The following STK32A variants were observed in gnomAD, a reference collection of about 807,000 sequenced individuals.
STK32A encodes serine/threonine kinase 32A.
STK32A carries 41 observed loss-of-function variants against 53.2 expected under a neutral mutation model. That is an observed-to-expected ratio of 0.77 (90% confidence interval 0.60 to 1.00). The LOEUF (loss-of-function observed/expected upper bound fraction) is 1.00, where lower values mean the gene tolerates loss of function less well. Among genes scored for constraint, STK32A ranks in the 50% least tolerant of loss-of-function variants. The probability of loss-of-function intolerance (pLI) is 0.00; values close to 1 mark genes in which losing one functional copy is unlikely to be tolerated. For synonymous variants in STK32A, 166 were observed against 162.8 expected (o/e 1.02, Z -0.15); for missense variants, 458 against 485.8 (o/e 0.94, Z 0.54).
At chr5:147,298,750 CAAAG>C (rs1752986779) in intron 4 of STK32A, among the ~76,000 whole-genome samples, 1 of 152,060 alleles carries the variant, frequency 6.6e-6, no homozygotes, top group African/African-American at 2.4e-5. Flanking sequence ...ATGAATAAGA[CAAAG>C]AAAACCTTAA....
the STK32A span, chr5:147,394,085 G>C: frequency 6.2e-7 from 1 of 1,614,126 alleles, no homozygotes; most frequent in Non-Finnish European, 8.5e-7. Flanking sequence ...GCCACGATGC[G>C]CTTGCTGGCT....
At chr5:147,338,553 CA>C (rs1185430452) in intron 5 of STK32A, among the ~76,000 whole-genome samples, 1 of 152,104 alleles carries the variant, frequency 6.6e-6, no homozygotes, top group Non-Finnish European at 1.5e-5. Context: ...GGGGTTGGAA[CA>C]GTTTGGAGGG....
At chr5:147,321,588 CATTGGCACCT>C (rs1674632491) in intron 4 of STK32A, among the ~76,000 whole-genome samples, 1 of 152,260 alleles carries the variant, frequency 6.6e-6, no homozygotes, top group Non-Finnish European at 1.5e-5. Context: ...TAACTTGCCA[CATTGGCACCT>C]TTATCACTTT....
intron 11 of STK32A, among the ~76,000 whole-genome samples, chr5:147,377,884 A>G (rs1224321778): frequency 6.6e-6 from 1 of 152,122 alleles, no homozygotes; most frequent in Non-Finnish European, 1.5e-5. Flanking sequence ...GGAACTGCTT[A>G]CATCAGCATT....
chr5:147,384,474 A>G lies in STK32A; in HGVS notation c.*491A>G. On this transcript the variant is annotated 3_prime_UTR_variant, in exon 13 of 13. Transcript: ENST00000397936. Reference sequence around the variant, plus strand: ...GCCCCAGGCTACTTGGATAAAGATAAGGAATTCTATCAGGGAGGCATGAAT... The same window carrying G: ...GCCCCAGGCTACTTGGATAAAGATAGGGAATTCTATCAGGGAGGCATGAAT... 3.4e-6 allele frequency: 5 copies of G among 1,491,722 alleles called. No individual in the cohort carries two copies. Among genetic ancestry groups the G allele is most frequent in the Non-Finnish European group, 3.6e-6 (4 of 1,109,452 alleles). The allele number at this position is 1,491,722 out of a possible 1,614,324, so 92.4% of individuals were successfully genotyped here. A position where few individuals can be genotyped will look rare whatever the true frequency, so the allele number is the denominator to read the frequency against.
chr5:147,287,095 AG>A (rs1171329125), intron 4 of STK32A, among the ~76,000 whole-genome samples: 6 of 152,222 alleles, frequency 3.9e-5, no homozygotes, highest in African/African-American at 1.4e-4. Flanking sequence ...GTCAACAAAT[AG>A]CTTTTGCAGA....
the STK32A span, among the ~76,000 whole-genome samples, chr5:147,396,950 A>G: frequency 1.7e-5 from 2 of 114,396 alleles, no homozygotes; most frequent in African/African-American, 7.4e-5. Context: ...ATATTTATTT[A>G]TACGCATTTT....
chr5:147,239,327 T>A (rs1753464550), intron 1 of STK32A, among the ~76,000 whole-genome samples: 1 of 152,202 alleles, frequency 6.6e-6, no homozygotes, highest in Admixed American at 6.5e-5. Context: ...GTTGCTTTCC[T>A]CCCATTTTGT....
At chr5:147,336,592 T>A (rs1755136631) in intron 5 of STK32A, among the ~76,000 whole-genome samples, 1 of 152,214 alleles carries the variant, frequency 6.6e-6, no homozygotes, top group Non-Finnish European at 1.5e-5. Context: ...TTTAGATCAT[T>A]TGTCCAAGAT....
intron 2 of STK32A, among the ~76,000 whole-genome samples, chr5:147,261,800 T>C (rs2151947284): frequency 6.6e-6 from 1 of 152,306 alleles, no homozygotes; most frequent in South Asian, 2.1e-4. Flanking sequence ...CCCTGAAAAT[T>C]ATATACAAAG....
In STK32A at chr5:147,383,628, A is replaced by G. The variant is rs1295905736; in HGVS notation, c.1097+123A>G. The G allele has an allele frequency of 4.4e-6, 4 of 909,250 alleles. No homozygotes were observed. In the African/African-American group the frequency reaches 6.9e-5, roughly 16 times the overall value. The allele number at this position is 909,250 out of a possible 1,614,324, so 56.3% of individuals were successfully genotyped here. Reference sequence around the variant, plus strand: ...TATTTTCTAATTGGGAAAATGATGCAATCTATTATAGAAAATGTAGAAACC... The same window carrying G: ...TATTTTCTAATTGGGAAAATGATGCGATCTATTATAGAAAATGTAGAAACC... On this transcript the variant is annotated intron_variant, in intron 12 of 12. Transcript: ENST00000397936.
chr5:147,270,805 C>G (rs1426097282), intron 2 of STK32A, among the ~76,000 whole-genome samples: 1 of 152,078 alleles, frequency 6.6e-6, no homozygotes, highest in Non-Finnish European at 1.5e-5. Context: ...AGGTGGTGGA[C>G]AAAAAGTTAT....
chr5:147,241,465 C>T (rs940413358), intron 2 of STK32A, among the ~76,000 whole-genome samples: 1 of 150,892 alleles, frequency 6.6e-6, no homozygotes, highest in African/African-American at 2.5e-5. Context: ...GGCGACAGAG[C>T]GAGACTCCAT....
chr5:147,400,965 C>G, the STK32A span: 1 of 1,187,464 alleles, frequency 8.4e-7, no homozygotes, highest in Non-Finnish European at 1.1e-6. Context: ...CTACCTCTTA[C>G]TAGATATATG....
At chr5:147,296,389 G>A (rs566014171) in intron 4 of STK32A, among the ~76,000 whole-genome samples, 11 of 152,100 alleles carry the variant, frequency 7.2e-5, no homozygotes, top group East Asian at 3.9e-4. Context: ...CAGGCTTCTC[G>A]GGGGTTGTTG....
intron 2 of STK32A, among the ~76,000 whole-genome samples, chr5:147,254,611 C>A (rs1287128103): frequency 6.6e-6 from 1 of 152,162 alleles, no homozygotes; most frequent in Non-Finnish European, 1.5e-5. Flanking sequence ...GGGTTCTTAT[C>A]CCCCACGCAC....
chr5:147,338,759 T>A (rs909428206), intron 5 of STK32A, among the ~76,000 whole-genome samples: 2 of 152,158 alleles, frequency 1.3e-5, no homozygotes, highest in Non-Finnish European at 2.9e-5. Context: ...CTGGTGACAT[T>A]TTTCCCCTGC....
chr5:147,366,947 T>C (rs1756776818), intron 8 of STK32A, among the ~76,000 whole-genome samples: 3 of 152,192 alleles, frequency 2.0e-5, no homozygotes, highest in Admixed American at 6.5e-5. Context: ...ATTTTCTTTT[T>C]AAGGATTAAA....
rs180911865 is a variant in STK32A, at chr5:147,323,146, G to A, written c.261-752G>A. 6.6e-5 allele frequency among the ~76,000 whole-genome samples: 10 copies of A among 152,310 alleles called. No individual in the cohort carries two copies. The East Asian group carries it at 1.2e-3, about 18-fold the overall frequency. On this transcript the variant is annotated intron_variant, in intron 4 of 12. Coordinates refer to ENST00000397936, the MANE Select transcript of STK32A (RefSeq NM_001112724.2). ...TGTTTAACTTTGTGCATTTCCTCGT[G>A]TGAATGGGAGCGTAGGTCCAGCATC... is the stretch of plus-strand genomic sequence containing the variant.
Sources: gnomAD v4.1 joint callset for allele counts (sites outside exome capture counted in the v4.1 genomes callset) on GRCh38, gnomAD v4.1.1 for gene constraint, MANE v1.5 for transcripts, NCBI Gene and HGNC (gene_info 2026-07-23, HGNC 2026-07-21) for gene names.